The following CDH9 variants were observed in gnomAD, a reference collection of about 807,000 sequenced individuals.
CDH9 encodes cadherin-9.
A neutral mutation model predicts 70.9 loss-of-function variants in CDH9; 28 were observed. That is an observed-to-expected ratio of 0.40 (90% CI 0.29 to 0.54). The LOEUF is 0.54. Ranked by LOEUF, CDH9 falls within the 20% of genes least tolerant of loss-of-function variation. CDH9 has a pLI of 0.59. For missense variants in CDH9, 874 were observed against 984.4 expected, an observed-to-expected ratio of 0.89 and a Z score of 1.50; for synonymous variants, 409 against 343.1, an observed-to-expected ratio of 1.19 and a Z score of -2.12.
At chr5:26,929,371 C>T (rs546547337) in intron 2 of CDH9, among the ~76,000 whole-genome samples, 161 of 152,014 alleles carry the variant, frequency 1.1e-3, no homozygotes, top group Non-Finnish European at 2.0e-3. Flanking sequence ...GGAAAAGACA[C>T]GCCTTGTATA....
At chr5:26,906,607 G>C in intron 4 of CDH9, 112 bp downstream of exon 4, 1 of 1,392,142 alleles carries the variant, frequency 7.2e-7, no homozygotes, top group Non-Finnish European at 9.5e-7. Context: ...GAAACAAATA[G>C]AAACATGAAA....
intron 11 of CDH9, among the ~76,000 whole-genome samples, chr5:26,883,048 T>C (rs1036116980): frequency 5.3e-5 from 2 of 37,668 alleles, no homozygotes; most frequent in African/African-American, 2.1e-4. Context: ...ATCTTATATA[T>C]ATATATATAT....
chr5:27,037,571 A>C (rs10472565), intron 1 of CDH9, among the ~76,000 whole-genome samples: 3,358 of 152,058 alleles, frequency 0.022, 114 homozygotes, highest in African/African-American at 0.078. Context: ...GCTAAAATCC[A>C]AGCCTTTATT....
intron 6 of CDH9, chr5:26,903,312 AAAT>A: frequency 2.6e-6 from 1 of 386,980 alleles, no homozygotes; most frequent in South Asian, 2.3e-5. Context: ...CTTACAATGA[AAAT>A]ATTTTGAAAA....
At chr5:26,979,804 T>G (rs549018695) in intron 2 of CDH9, among the ~76,000 whole-genome samples, 7 of 151,972 alleles carry the variant, frequency 4.6e-5, no homozygotes, top group African/African-American at 1.4e-4. Context: ...TAAAGGTTGG[T>G]ATTCATAATG....
rs1743381598 is a variant in CDH9 at position 27,035,704 on chromosome 5, GT to G, written c.-50+2758del. On this transcript the variant is annotated intron_variant, in intron 1 of 11. Transcript: ENST00000231021. ...TGTGTGTGTGTGTGTGTGTGTGTGT[GT>G]GTGTGGGTGTGTGTGGGTGTGTGTG... Among the ~76,000 whole-genome samples the G allele has an allele frequency of 7.3e-5, 11 of 150,124 alleles. No individual in the cohort carries two copies. In the South Asian group the frequency reaches 8.4e-4, roughly 11 times the overall value.
intron 3 of CDH9, among the ~76,000 whole-genome samples, chr5:26,908,242 T>G (rs941232555): frequency 6.6e-6 from 1 of 152,182 alleles, no homozygotes; most frequent in Non-Finnish European, 1.5e-5. Context: ...ATTAAAAAAT[T>G]ATCCACCCAT....
At chr5:26,941,530 A>T (rs1741661924) in intron 2 of CDH9, among the ~76,000 whole-genome samples, 1 of 152,172 alleles carries the variant, frequency 6.6e-6, no homozygotes. Context: ...TGCCTATCAC[A>T]GTTAGGGATG....
chr5:27,012,891 A>T (rs1742982960), intron 1 of CDH9, among the ~76,000 whole-genome samples: 1 of 152,036 alleles, frequency 6.6e-6, no homozygotes, highest in South Asian at 2.1e-4. Flanking sequence ...GCCCATCTGA[A>T]AATGAGCAAA....
intron 2 of CDH9, among the ~76,000 whole-genome samples, chr5:26,924,071 A>G (rs1451854484): frequency 1.3e-5 from 2 of 152,122 alleles, no homozygotes; most frequent in Non-Finnish European, 2.9e-5. Context: ...AATGAAATTG[A>G]AACAAGAAAA....
At chr5:27,015,268 T>C (rs1217389894) in intron 1 of CDH9, among the ~76,000 whole-genome samples, 1 of 151,822 alleles carries the variant, frequency 6.6e-6, no homozygotes, top group Non-Finnish European at 1.5e-5. Flanking sequence ...GGTATTATTT[T>C]ATCTCTAAAT....
At chr5:26,976,883 A>G (rs1407586393) in intron 2 of CDH9, among the ~76,000 whole-genome samples, 2 of 151,908 alleles carry the variant, frequency 1.3e-5, no homozygotes, top group East Asian at 3.9e-4. Context: ...TAAGCATAAA[A>G]TATTTTGTTA....
intron 1 of CDH9, among the ~76,000 whole-genome samples, chr5:27,020,258 G>T (rs1743114516): frequency 6.6e-6 from 1 of 151,322 alleles, no homozygotes. Context: ...CAAAGTAAGG[G>T]TTAAGCAAAT....
chr5:26,908,906 GTTT>G (rs1002653618), intron 3 of CDH9, among the ~76,000 whole-genome samples: 1 of 152,060 alleles, frequency 6.6e-6, no homozygotes, highest in Non-Finnish European at 1.5e-5. Flanking sequence ...AAGAGTTGTA[GTTT>G]TTTTCAGAGG....
In CDH9 at chr5:26,981,132, C is replaced by T. The variant is rs116560544; in HGVS notation, c.228+6974G>A. ...ATGTACCCAGAACTTTAAAATTATT[C>T]GTATATTTCAATTTTGAGAATTCTC... On this transcript the variant is annotated intron_variant, in intron 2 of 11. Transcript: ENST00000231021. 3.2e-3 allele frequency among the ~76,000 whole-genome samples: 485 copies of T among 152,014 alleles called. 4 individuals carry two copies. Among genetic ancestry groups the T allele is most frequent in the African/African-American group, 0.011 (463 of 41,498 alleles).
chr5:27,011,136 C>T (rs11743887), intron 1 of CDH9, among the ~76,000 whole-genome samples: 1 of 151,982 alleles, frequency 6.6e-6, no homozygotes, highest in African/African-American at 2.4e-5. Flanking sequence ...TATTATCTCT[C>T]TAAGTGAGGG....
At chr5:26,900,615 G>T (rs943887481) in intron 7 of CDH9, among the ~76,000 whole-genome samples, 8 of 152,056 alleles carry the variant, frequency 5.3e-5, no homozygotes, top group Non-Finnish European at 1.2e-4. Context: ...ATGTTCAATT[G>T]TCCAGCAATA....
intron 2 of CDH9, among the ~76,000 whole-genome samples, chr5:26,929,126 C>A (rs1289954364): frequency 6.6e-6 from 1 of 151,832 alleles, no homozygotes; most frequent in African/African-American, 2.4e-5. Flanking sequence ...ATAATGAGCT[C>A]AAACAACTCT....
intron 2 of CDH9, among the ~76,000 whole-genome samples, chr5:26,947,187 G>A (rs1579468875): frequency 6.6e-6 from 1 of 152,080 alleles, no homozygotes; most frequent in South Asian, 2.1e-4. Flanking sequence ...TAGAATTTAG[G>A]GAATTCAGCA....
Sources: allele counts gnomAD v4.1 joint callset (sites outside exome capture counted in the v4.1 genomes callset), GRCh38; gene constraint gnomAD v4.1.1; transcripts MANE v1.5; gene names NCBI Gene and HGNC (gene_info 2026-07-23, HGNC 2026-07-21).